NTNG2: variants seen among roughly 807,000 people sequenced by gnomAD.
The protein encoded by NTNG2 is netrin-G2.
In NTNG2, 15 loss-of-function variants were observed where a neutral mutation model predicts 47.6. That is an observed-to-expected ratio of 0.32 (90% CI 0.21 to 0.49). NTNG2 has a LOEUF of 0.49. Among genes scored for constraint, NTNG2 ranks in the 20% least tolerant of loss-of-function variants. The probability of loss-of-function intolerance (pLI) is 0.99; values close to 1 mark genes in which losing one functional copy is unlikely to be tolerated. For missense variants in NTNG2, 578 were observed against 764.6 expected, an observed-to-expected ratio of 0.76 and a Z score of 2.88; for synonymous variants, 307 against 324.6, an observed-to-expected ratio of 0.95 and a Z score of 0.58.
At chr9:132,207,660 G>T (rs1182709231) in intron 3 of NTNG2, among the ~76,000 whole-genome samples, 1 of 152,180 alleles carries the variant, frequency 6.6e-6, no homozygotes, top group African/African-American at 2.4e-5. Flanking sequence ...CGGGAGACAC[G>T]ATTTGGCCCA....
intron 1 of NTNG2, chr9:132,165,905 C>T (rs1236382625): frequency 6.6e-6 from 1 of 152,248 alleles, no homozygotes; most frequent in Non-Finnish European, 1.5e-5. Context: ...AATGCAGCCT[C>T]ATTTTTTGCA....
chr9:132,237,742 G>C (rs899886213), intron 5 of NTNG2, among the ~76,000 whole-genome samples: 1 of 152,210 alleles, frequency 6.6e-6, no homozygotes, highest in Non-Finnish European at 1.5e-5. Context: ...GGCACAGTGG[G>C]CAGGCCACAC....
chr9:132,241,074 G>GC, intron 7 of NTNG2, 30 bp downstream of exon 7: 1 of 1,567,556 alleles, frequency 6.4e-7, no homozygotes, highest in Non-Finnish European at 8.6e-7. Context: ...CGTGGGCGGG[G>GC]CCTGCGGAAA....
chr9:132,217,972 G>A (rs766668199), intron 3 of NTNG2, among the ~76,000 whole-genome samples: 12 of 152,202 alleles, frequency 7.9e-5, no homozygotes, highest in Non-Finnish European at 1.0e-4. Flanking sequence ...TGATGTGGCC[G>A]GTGTGGTCCA....
chr9:132,220,754 G>A (rs1036784361), intron 3 of NTNG2, among the ~76,000 whole-genome samples: 4 of 152,010 alleles, frequency 2.6e-5, no homozygotes, highest in Admixed American at 6.6e-5. Flanking sequence ...GGCTCCCTAC[G>A]TTTCCATCTG....
At chr9:132,201,668 G>A (rs1183727663) in intron 3 of NTNG2, among the ~76,000 whole-genome samples, 1 of 152,210 alleles carries the variant, frequency 6.6e-6, no homozygotes, top group Non-Finnish European at 1.5e-5. Flanking sequence ...CAGTGGCTCC[G>A]CTGTGGCCCA....
At chr9:132,191,519 G>A (rs1837884798) in intron 2 of NTNG2, among the ~76,000 whole-genome samples, 1 of 151,766 alleles carries the variant, frequency 6.6e-6, no homozygotes, top group African/African-American at 2.4e-5. Context: ...GCTTTCAGAC[G>A]CCAGGGCCCA....
chr9:132,208,228 C>T lies in NTNG2; in HGVS notation c.857+9619C>T, dbSNP rs1398273079. On this transcript the variant is annotated intron_variant, in intron 3 of 7. Coordinates refer to ENST00000393229, the MANE Select transcript of NTNG2 (RefSeq NM_032536.4). The surrounding 1 kb of genome is among the most constrained non-coding windows in gnomAD (Gnocchi z 4.0). ...ACCTGAAGGGGGAACGGGGGCACGG[C>T]ATTTGTGGCAGGGGGACAGCAGGCA... Among the ~76,000 whole-genome samples the T allele has an allele frequency of 6.6e-6, 1 of 151,798 alleles. No homozygotes were observed. Among genetic ancestry groups the T allele is most frequent in the African/African-American group, 2.4e-5 (1 of 41,292 alleles).
chr9:132,216,428 ATGTGTGTGTG>A (rs10578395), intron 3 of NTNG2, among the ~76,000 whole-genome samples: 59 of 87,646 alleles, frequency 6.7e-4, no homozygotes, highest in Admixed American at 8.7e-4. Flanking sequence ...GTGTGTGTGT[ATGTGTGTGTG>A]TGTGTGTGTG....
chr9:132,194,903 C>G (rs1056511310), intron 2 of NTNG2, among the ~76,000 whole-genome samples: 3 of 152,226 alleles, frequency 2.0e-5, no homozygotes, highest in Non-Finnish European at 4.4e-5. Context: ...GGGGCTGTGG[C>G]TCAGCCCCTC....
At chr9:132,173,505 C>A (rs911055135) in intron 2 of NTNG2, among the ~76,000 whole-genome samples, 1 of 152,208 alleles carries the variant, frequency 6.6e-6, no homozygotes, top group Non-Finnish European at 1.5e-5. Context: ...TTCCGGTCTG[C>A]GCATCCCCAC....
intron 3 of NTNG2, among the ~76,000 whole-genome samples, chr9:132,201,485 G>A (rs1458073211): frequency 6.6e-6 from 1 of 152,214 alleles, no homozygotes; most frequent in Non-Finnish European, 1.5e-5. Flanking sequence ...AGTTCCGCTG[G>A]GAAAGTCCAG....
intron 2 of NTNG2, among the ~76,000 whole-genome samples, chr9:132,185,912 A>T (rs1478302114): frequency 6.6e-6 from 1 of 151,138 alleles, no homozygotes; most frequent in Non-Finnish European, 1.5e-5. Context: ...GAGGAGCAGC[A>T]GCGGCTGAGC....
chr9:132,223,277 G>C (rs1404654521), intron 3 of NTNG2, among the ~76,000 whole-genome samples: 1 of 152,198 alleles, frequency 6.6e-6, no homozygotes, highest in African/African-American at 2.4e-5. Context: ...GGACGCAGGG[G>C]CCGCTGTTTC....
intron 3 of NTNG2, among the ~76,000 whole-genome samples, chr9:132,209,233 T>TA (rs1488031009): frequency 6.6e-6 from 1 of 152,242 alleles, no homozygotes; most frequent in African/African-American, 2.4e-5. Context: ...GGTGAGCGTG[T>TA]TTAACTCTAT....
At chr9:132,199,110 C>G (rs1838547672) in intron 3 of NTNG2, among the ~76,000 whole-genome samples, 1 of 152,094 alleles carries the variant, frequency 6.6e-6, no homozygotes, top group Non-Finnish European at 1.5e-5. Flanking sequence ...CTGAGCTTTT[C>G]CACGGAAGAA....
At chr9:132,203,513 G>A (rs1489990098) in intron 3 of NTNG2, among the ~76,000 whole-genome samples, 3 of 152,180 alleles carry the variant, frequency 2.0e-5, no homozygotes, top group Non-Finnish European at 4.4e-5. Context: ...ATCTTCTGCG[G>A]TTACAAAGGA....
intron 2 of NTNG2, among the ~76,000 whole-genome samples, chr9:132,170,750 C>T (rs1374961679): frequency 6.6e-6 from 1 of 152,114 alleles, no homozygotes; most frequent in East Asian, 1.9e-4. Context: ...CAGCAGGGTG[C>T]CAAGGGAATC....
Position 132,198,421 on chromosome 9 carries a change from C to T in NTNG2, c.669C>T (p.Ala223=), listed in dbSNP as rs529766429. 7.4e-6 allele frequency: 12 copies of T among 1,613,078 alleles called. No individual in the cohort carries two copies. The highest frequency in any genetic ancestry group is 5.3e-5 in the African/African-American group (4 of 75,062). The change falls in exon 3 of 8, where the codon GCC becomes GCT. Residue 223 remains alanine (A), a synonymous_variant. Transcript: ENST00000393229. ...FEVRDRFAIF[A]GPDLRNMDNL... is the part of the protein sequence containing the mutation. ...TGCGGGACCGCTTCGCCATCTTTGC[C>T]GGCCCCGACCTGCGCAACATGGACA...
Sources: allele counts gnomAD v4.1 joint callset (sites outside exome capture counted in the v4.1 genomes callset), GRCh38; gene constraint gnomAD v4.1.1; non-coding constraint Gnocchi (gnomAD v3.1); transcripts MANE v1.5; gene names NCBI Gene and HGNC (gene_info 2026-07-23, HGNC 2026-07-21).